CDKL3: variants seen among roughly 807,000 people sequenced by gnomAD.
CDKL3 encodes the protein cyclin dependent kinase like 3.
Under a neutral mutation model 69.3 loss-of-function variants are expected in CDKL3, and 65 were observed. The ratio of observed to expected loss-of-function variants is 0.94; its 90% CI spans 0.77 to 1.15. CDKL3 has a LOEUF of 1.15. CDKL3 is among the 50% of genes most tolerant of loss of function. The pLI is 0.00. For missense variants in CDKL3, 652 were observed against 689.2 expected (o/e 0.95, Z 0.61); for synonymous variants, 202 against 221.6 (o/e 0.91, Z 0.79).
At chr5:134,300,739 G>T (rs1212933486) in intron 12 of CDKL3, among the ~76,000 whole-genome samples, 1 of 152,052 alleles carries the variant, frequency 6.6e-6, no homozygotes, top group Non-Finnish European at 1.5e-5. Flanking sequence ...TCACAGAAGG[G>T]TCTTTTTTCC....
chr5:134,336,472 T>C (rs1581082311), intron 4 of CDKL3, among the ~76,000 whole-genome samples: 1 of 152,224 alleles, frequency 6.6e-6, no homozygotes, highest in East Asian at 1.9e-4. Flanking sequence ...TTATCTACCT[T>C]TGGTCTTTGA....
chr5:134,351,559 T>C (rs1414258576), intron 3 of CDKL3, among the ~76,000 whole-genome samples: 3 of 152,094 alleles, frequency 2.0e-5, no homozygotes, highest in African/African-American at 7.2e-5. Flanking sequence ...CTCAACCTCC[T>C]GAGTAGCTAG....
At chr5:134,294,997 C>T (rs1358759466), downstream of CDKL3, among the ~76,000 whole-genome samples, 2 of 145,416 alleles carry the variant, frequency 1.4e-5, no homozygotes, top group Admixed American at 7.0e-5. Context: ...AATTGGAAGA[C>T]TTGATTTTTT....
rs1314201954 is a variant in CDKL3, at chr5:134,321,868, A to G, written c.575T>C (p.Ile192Thr). The G allele has an allele frequency of 6.2e-7, 1 of 1,612,360 alleles. No individual in the cohort carries two copies. The highest frequency in any genetic ancestry group is 1.3e-5 in the African/African-American group (1 of 74,994). Residue 192 changes from isoleucine (I) to threonine (T), a missense_variant, in exon 5 of 13, where the codon ATT (isoleucine) becomes ACT (threonine). Physicochemically the swap from Ile to Thr is moderately conservative, Grantham distance 89. Transcript: ENST00000265334. ...ATAGGGATTTCCAGTGGCCATCTCA[A>G]TGATCATACAGCCCAAAGCCCAGAT... ...VDIWALGCMIIEMATGNPYLP... is the reference protein window; with the variant it reads ...VDIWALGCMITEMATGNPYLP...
At chr5:134,299,525 T>C in intron 12 of CDKL3, 1 of 1,196,730 alleles carries the variant, frequency 8.4e-7, no homozygotes, top group Non-Finnish European at 1.1e-6. Flanking sequence ...AATTTAAAGA[T>C]TAATAAATTT....
intron 4 of CDKL3, among the ~76,000 whole-genome samples, chr5:134,326,949 G>A (rs1774548247): frequency 6.6e-6 from 1 of 150,414 alleles, no homozygotes; most frequent in African/African-American, 2.4e-5. Context: ...ATGCAATTCA[G>A]TATAAGAAAG....
intron 4 of CDKL3, among the ~76,000 whole-genome samples, chr5:134,325,533 C>A (rs562799748): frequency 1.3e-5 from 2 of 150,954 alleles, no homozygotes; most frequent in African/African-American, 2.5e-5. Flanking sequence ...TATTTAATAA[C>A]AGTTTTCCAG....
intron 1 of CDKL3, 72 bp from the exon 2 acceptor site, chr5:134,366,616 G>A (rs1757501529): frequency 1.1e-6 from 1 of 908,030 alleles, no homozygotes; most frequent in Non-Finnish European, 1.6e-6. Context: ...ACTAGATAAT[G>A]CATATCCACA....
chr5:134,371,620 C>G, upstream of CDKL3: 1 of 1,613,040 alleles, frequency 6.2e-7, no homozygotes, highest in Non-Finnish European at 8.5e-7. Context: ...CCGGAGGAGG[C>G]TCATGCGGGA....
rs990229631 is a variant in CDKL3 at position 134,367,074 on chromosome 5, C to T, written c.-119G>A. On this transcript the variant is annotated 5_prime_UTR_variant, in exon 1 of 13. Transcript: ENST00000265334. ...CCGCTGGTCTGGCTCTGCGTAGTTC[C>T]AGTGGAGCCACCGAACACTGATACT... 3 of 986,666 alleles carry T rather than the reference C, an allele frequency of 3.0e-6. No individual in the cohort carries two copies. Among genetic ancestry groups the T allele is most frequent in the Non-Finnish European group, 3.6e-6 (3 of 830,730 alleles). The allele number at this position is 986,666 out of a possible 1,614,324, so 61.1% of individuals were successfully genotyped here.
chr5:134,307,872 A>T, intron 9 of CDKL3: 1 of 391,556 alleles, frequency 2.6e-6, no homozygotes, highest in Non-Finnish European at 4.2e-6. Flanking sequence ...CTTCAAAAAT[A>T]AAAACATTTT....
At chr5:134,305,176 C>T (rs940247585) in intron 10 of CDKL3, among the ~76,000 whole-genome samples, 3 of 151,908 alleles carry the variant, frequency 2.0e-5, no homozygotes, top group Non-Finnish European at 4.4e-5. Context: ...AATACAGTGG[C>T]GCCATTACGG....
At position 134,356,877 on chromosome 5, in the gene CDKL3, G is replaced by A. The variant is rs367550010; in HGVS notation, c.360+3020C>T. Among the ~76,000 whole-genome samples the A allele has an allele frequency of 6.6e-5, 10 of 151,880 alleles. No homozygotes were observed. In the South Asian group the frequency reaches 1.9e-3, roughly 28 times the overall value. ...TTACATCAAAAGCATTTAGCTCCAC[G>A]TGGATGAGGGCAACAGCGGGCCATC... On this transcript the variant is annotated intron_variant, in intron 3 of 12. Coordinates refer to ENST00000265334, the MANE Select transcript of CDKL3 (RefSeq NM_001113575.2).
At chr5:134,303,673 C>CA (rs1554077939) in intron 11 of CDKL3, among the ~76,000 whole-genome samples, 2 of 151,096 alleles carry the variant, frequency 1.3e-5, no homozygotes, top group Non-Finnish European at 3.0e-5. Flanking sequence ...GTGGAACCCC[C>CA]CCCCCGTCTC....
chr5:134,359,841 A>T, intron 3 of CDKL3, 56 bp downstream of exon 3: 1 of 1,095,892 alleles, frequency 9.1e-7, no homozygotes. Context: ...ACAATGTATA[A>T]GGAGCACTTA....
At chr5:134,319,973 T>C (rs909144880) in intron 5 of CDKL3, among the ~76,000 whole-genome samples, 2 of 152,158 alleles carry the variant, frequency 1.3e-5, no homozygotes, top group Admixed American at 1.3e-4. Flanking sequence ...GAACTATAAA[T>C]ATGAGTGGAG....
chr5:134,308,856 A>T (rs1768610568), intron 7 of CDKL3, 129 bp from the exon 8 acceptor site: 3 of 780,430 alleles, frequency 3.8e-6, no homozygotes, highest in Non-Finnish European at 3.8e-6. Context: ...ACTATAATGC[A>T]TGTCAAGAGA....
downstream of CDKL3, among the ~76,000 whole-genome samples, chr5:134,285,320 G>C (rs936992329): frequency 2.0e-5 from 3 of 152,216 alleles, no homozygotes; most frequent in Non-Finnish European, 4.4e-5. Context: ...TGGACATCCA[G>C]GCATTTCCAT....
At chr5:134,362,622 T>C (rs1275388679) in intron 2 of CDKL3, among the ~76,000 whole-genome samples, 3 of 152,146 alleles carry the variant, frequency 2.0e-5, no homozygotes, top group Non-Finnish European at 2.9e-5. Flanking sequence ...ACATCAAATT[T>C]AAAATCCTAT....
Sources: gnomAD v4.1 joint callset for allele counts (sites outside exome capture counted in the v4.1 genomes callset) on GRCh38, gnomAD v4.1.1 for gene constraint, MANE v1.5 for transcripts, NCBI Gene and HGNC (gene_info 2026-07-23, HGNC 2026-07-21) for gene names.